The following CSMD1 variants were observed in gnomAD, a reference collection of about 807,000 sequenced individuals.
CSMD1 encodes CUB and sushi domain-containing protein 1.
CSMD1 carries 213 observed loss-of-function variants against 417.5 expected under a neutral mutation model. The observed-to-expected ratio is 0.51, with a 90% CI of 0.46 to 0.57. CSMD1 has a LOEUF of 0.57. Ranked by LOEUF, CSMD1 falls within the 20% of genes least tolerant of loss-of-function variation. CSMD1 has a pLI of 0.00. For missense variants in CSMD1, 6,923 were observed against 4,529.7 expected, an observed-to-expected ratio of 1.53 and a Z score of -15.17; for synonymous variants, 2,862 against 1,736.8, an observed-to-expected ratio of 1.65 and a Z score of -16.11.
chr8:4,290,564 T>C (rs374917856), intron 3 of CSMD1, among the ~76,000 whole-genome samples: 45 of 152,320 alleles, frequency 3.0e-4, no homozygotes, highest in African/African-American at 9.4e-4. Flanking sequence ...GGGCCATTCA[T>C]AGCTTTTCTG....
At chr8:3,764,638 A>G (rs1033850369) in intron 5 of CSMD1, among the ~76,000 whole-genome samples, 1 of 151,870 alleles carries the variant, frequency 6.6e-6, no homozygotes, top group Admixed American at 6.6e-5. Context: ...GTGACTTACC[A>G]TGTGTCTGGC....
intron 21 of CSMD1, among the ~76,000 whole-genome samples, chr8:3,352,871 C>CA (rs1808508276): frequency 1.3e-5 from 2 of 151,868 alleles, no homozygotes; most frequent in African/African-American, 2.4e-5. Flanking sequence ...AACAAACAAA[C>CA]AAAAAACACG....
At position 3,148,371 on chromosome 8, in the gene CSMD1, C is replaced by T. The variant is rs150330136; in HGVS notation, c.6031+3026G>A. 1.0e-3 allele frequency among the ~76,000 whole-genome samples: 152 copies of T among 152,158 alleles called. 1 individual carries two copies. The highest frequency in any genetic ancestry group is 3.5e-3 in the African/African-American group (147 of 41,498). ...GGAGATTCTGAGAAGAGCTTGCTGA[C>T]AAGAATAAGGCAAGGTTCAGAGAAA... is the stretch of plus-strand genomic sequence containing the variant. On this transcript the variant is annotated intron_variant, in intron 40 of 69. Coordinates refer to ENST00000635120, the MANE Select transcript of CSMD1 (RefSeq NM_033225.6).
At chr8:3,366,576 CTG>C (rs369414959) in intron 20 of CSMD1, among the ~76,000 whole-genome samples, 27 of 152,312 alleles carry the variant, frequency 1.8e-4, no homozygotes, top group African/African-American at 6.5e-4. Context: ...TCATCCTCAA[CTG>C]TGTGTGTCCA....
intron 5 of CSMD1, among the ~76,000 whole-genome samples, chr8:3,839,425 TA>T (rs1402178546): frequency 5.7e-5 from 3 of 52,536 alleles, no homozygotes; most frequent in Admixed American, 3.4e-4. Context: ...TAAATATATA[TA>T]ATAAATTAAT....
rs546398315 is a variant in CSMD1 at position 4,041,183 on chromosome 8, AT to A, written c.416-9085del. ...AGGCGCCCGCCACCACGCCCGGCTA[AT>A]TTTTTTGTATTTTTGGTAGAGACGG... On this transcript the variant is annotated intron_variant, in intron 3 of 69. Coordinates refer to ENST00000635120, the MANE Select transcript of CSMD1 (RefSeq NM_033225.6). Among the ~76,000 whole-genome samples, 81 of 151,290 alleles carry A rather than the reference AT, an allele frequency of 5.4e-4. 1 individual carries two copies. In the South Asian group the frequency reaches 0.014, roughly 26 times the overall value.
At chr8:3,120,392 G>A (rs188950420) in intron 41 of CSMD1, among the ~76,000 whole-genome samples, 14 of 152,334 alleles carry the variant, frequency 9.2e-5, no homozygotes, top group East Asian at 3.9e-4. Flanking sequence ...GGCCTACAGC[G>A]TGGCCTTGGC....
At chr8:4,009,286 A>T (rs1424662961) in intron 4 of CSMD1, among the ~76,000 whole-genome samples, 3 of 152,190 alleles carry the variant, frequency 2.0e-5, no homozygotes, top group Non-Finnish European at 4.4e-5. Context: ...GTATTTCTCA[A>T]CTCTAGAATT....
chr8:3,248,207 T>C (rs1449162219), intron 26 of CSMD1, among the ~76,000 whole-genome samples: 1 of 152,092 alleles, frequency 6.6e-6, no homozygotes, highest in Non-Finnish European at 1.5e-5. Flanking sequence ...CAGGAGAAGA[T>C]TTTCATTAAA....
chr8:3,882,048 A>G (rs1411190564), intron 5 of CSMD1, among the ~76,000 whole-genome samples: 1 of 152,334 alleles, frequency 6.6e-6, no homozygotes, highest in South Asian at 2.1e-4. Flanking sequence ...TATTAACAAT[A>G]AAAGAAAAAA....
chr8:4,530,543 G>A (rs1796758300), intron 2 of CSMD1, among the ~76,000 whole-genome samples: 1 of 148,518 alleles, frequency 6.7e-6, no homozygotes, highest in South Asian at 2.2e-4. Context: ...CCCTCCCCGT[G>A]CCCATATGTT....
chr8:3,493,293 C>CAA (rs752935476), intron 11 of CSMD1, among the ~76,000 whole-genome samples: 4 of 90,536 alleles, frequency 4.4e-5, no homozygotes, highest in African/African-American at 1.3e-4. Flanking sequence ...GAACCTGTCT[C>CAA]AAAAAAAAAA....
At chr8:3,994,260 G>C (rs1272680746) in intron 5 of CSMD1, among the ~76,000 whole-genome samples, 2 of 151,950 alleles carry the variant, frequency 1.3e-5, no homozygotes, top group African/African-American at 2.4e-5. Flanking sequence ...TGTTATATAA[G>C]TTCATATTTT....
intron 49 of CSMD1, among the ~76,000 whole-genome samples, 197 bp from the exon 50 acceptor site, chr8:3,052,844 C>T (rs957823857): frequency 2.7e-5 from 4 of 148,296 alleles, no homozygotes; most frequent in Non-Finnish European, 5.9e-5. Flanking sequence ...TGCAATGACT[C>T]GATCTCAGCT....
chr8:4,494,817 G>A (rs1388502503), intron 2 of CSMD1, among the ~76,000 whole-genome samples: 1 of 152,240 alleles, frequency 6.6e-6, no homozygotes, highest in East Asian at 1.9e-4. Flanking sequence ...GACTAGGAAA[G>A]AGAATAAACT....
intron 45 of CSMD1, chr8:3,106,842 C>A: frequency 2.3e-6 from 1 of 434,196 alleles, no homozygotes; most frequent in South Asian, 4.8e-5. Context: ...TAAGCTTAGC[C>A]GATATTAGTA....
intron 3 of CSMD1, among the ~76,000 whole-genome samples, chr8:4,131,756 CTTTTTTTTTTTTT>C (rs10650865): frequency 1.1e-5 from 1 of 87,426 alleles, no homozygotes; most frequent in Non-Finnish European, 2.0e-5. Flanking sequence ...ACAAATGTGA[CTTTTTTTTTTTTT>C]TTTTTTTTTT....
intron 3 of CSMD1, among the ~76,000 whole-genome samples, chr8:4,188,045 G>C (rs28628133): frequency 0.64 from 97,750 of 151,838 alleles, 32,160 homozygotes; most frequent in South Asian, 0.8. Context: ...TGCAAACTTC[G>C]TCCTAGTCAT....
At chr8:4,689,991 T>C (rs370778317) in intron 1 of CSMD1, among the ~76,000 whole-genome samples, 38 of 152,174 alleles carry the variant, frequency 2.5e-4, no homozygotes, top group Admixed American at 9.2e-4. Flanking sequence ...TGCTAAAGAA[T>C]CGTAATTTAA....
Sources: gnomAD v4.1 joint callset for allele counts (sites outside exome capture counted in the v4.1 genomes callset) on GRCh38, gnomAD v4.1.1 for gene constraint, MANE v1.5 for transcripts, NCBI Gene and HGNC (gene_info 2026-07-23, HGNC 2026-07-21) for gene names.